MAST2: variants seen among roughly 807,000 people sequenced by gnomAD.
MAST2 encodes microtubule-associated serine/threonine-protein kinase 2.
MAST2 carries 70 observed loss-of-function variants against 147.4 expected under a neutral mutation model. The ratio of observed to expected loss-of-function variants is 0.47; its 90% CI spans 0.39 to 0.58. MAST2 has a LOEUF of 0.58. Ranked by LOEUF, MAST2 falls within the 20% of genes least tolerant of loss-of-function variation. The pLI is 0.00. For synonymous variants in MAST2, 869 were observed against 896.8 expected (o/e 0.97, Z 0.55); for missense variants, 2,080 against 2,302.3 (o/e 0.90, Z 1.98).
At chr1:45,826,545 G>T (rs908790690) in intron 2 of MAST2, among the ~76,000 whole-genome samples, 2 of 151,906 alleles carry the variant, frequency 1.3e-5, no homozygotes, top group African/African-American at 2.4e-5. Flanking sequence ...TAGAGAGGGG[G>T]TTTCGCCATG....
chr1:45,890,583 CT>C (rs1288591885), intron 4 of MAST2, among the ~76,000 whole-genome samples: 3 of 152,168 alleles, frequency 2.0e-5, no homozygotes, highest in Non-Finnish European at 4.4e-5. Flanking sequence ...AGAGCCACCC[CT>C]ATGACCTCAT....
intron 4 of MAST2, among the ~76,000 whole-genome samples, chr1:45,921,027 A>C (rs932941616): frequency 6.6e-6 from 1 of 152,070 alleles, no homozygotes; most frequent in Non-Finnish European, 1.5e-5. Flanking sequence ...ACGGAGTCTC[A>C]CTCTGTCACC....
At chr1:46,003,186 A>AAGCACACTTCCCCTACTCCTC (rs1553125024) in intron 7 of MAST2, among the ~76,000 whole-genome samples, 5 of 152,146 alleles carry the variant, frequency 3.3e-5, no homozygotes, top group Admixed American at 2.0e-4. Flanking sequence ...GGGGACTCCT[A>AAGCACACTTCCCCTACTCCTC]AGCACACTTC....
At chr1:45,937,604 T>G (rs182925426) in intron 4 of MAST2, among the ~76,000 whole-genome samples, 1 of 151,610 alleles carries the variant, frequency 6.6e-6, no homozygotes, top group Non-Finnish European at 1.5e-5. Flanking sequence ...ACAAAAAAAT[T>G]AGCCGGGTGT....
chr1:46,007,271 A>G lies in MAST2; in HGVS notation c.902+876A>G, dbSNP rs77663634. Among the ~76,000 whole-genome samples, 541 of 152,264 alleles carry G rather than the reference A, an allele frequency of 3.6e-3. 6 individuals carry two copies. The highest frequency in any genetic ancestry group is 0.033 in the East Asian group (172 of 5,174). On this transcript the variant is annotated intron_variant, in intron 8 of 28. Transcript: ENST00000361297. ...CTCCCAGAAAGAATCCCCTCAGGTA[A>G]TGCTGGCACTGCACCAGGAGTGACA...
At chr1:45,970,220 A>G (rs978244136) in intron 5 of MAST2, among the ~76,000 whole-genome samples, 2 of 152,182 alleles carry the variant, frequency 1.3e-5, no homozygotes, top group Non-Finnish European at 2.9e-5. Context: ...CTTTGGATAA[A>G]ACTTACAAAA....
At chr1:45,920,932 T>A (rs949634229) in intron 4 of MAST2, among the ~76,000 whole-genome samples, 5 of 152,210 alleles carry the variant, frequency 3.3e-5, no homozygotes, top group African/African-American at 1.2e-4. Context: ...AAGGAAGTTA[T>A]TAATAAGTAG....
chr1:46,017,136 A>C (rs1645985085), intron 10 of MAST2, among the ~76,000 whole-genome samples: 1 of 152,236 alleles, frequency 6.6e-6, no homozygotes, highest in African/African-American at 2.4e-5. Context: ...AGAAAGCTGA[A>C]ATTGGATCCC....
chr1:46,029,463 C>T lies in MAST2; in HGVS notation c.2219-3C>T. The T allele has an allele frequency of 6.2e-7, 1 of 1,612,586 alleles. No individual in the cohort carries two copies. Among genetic ancestry groups the T allele is most frequent in the Non-Finnish European group, 8.5e-7 (1 of 1,178,756 alleles). ...CTTTCCCTCTCACCCCTGATGACTT[C>T]AGATGAGATTGTGTGGCCTGAGGGT... On this transcript the variant is annotated splice_polypyrimidine_tract_variant and splice_region_variant and intron_variant, in intron 18 of 28. Coordinates refer to ENST00000361297, the MANE Select transcript of MAST2 (RefSeq NM_015112.3).
In MAST2 at chr1:46,031,208, TG is replaced by T; in HGVS notation, c.2913del (p.Pro972LeufsTer76). ...LTPPSGEGVSGPVTEHSGEQR... is the reference protein window; with the variant it reads ...LTPPSGEGVSXPVTEHSGEQR... ...CACCCCCATCTGGAGAGGGGGTATC[TG>T]GGCCTGTCACTGAACACTCAGGGGA... On this transcript the variant is annotated frameshift_variant, in exon 23 of 29. Transcript: ENST00000361297. LOFTEE classifies it high-confidence loss of function. The surrounding 1 kb of genome is among the most constrained non-coding windows in gnomAD (Gnocchi z 4.1). The T allele has an allele frequency of 1.3e-6, 2 of 1,560,290 alleles. No homozygotes were observed. Among genetic ancestry groups the T allele is most frequent in the Non-Finnish European group, 1.7e-6 (2 of 1,150,250 alleles).
intron 6 of MAST2, among the ~76,000 whole-genome samples, chr1:45,999,221 T>C (rs1457301524): frequency 6.6e-6 from 1 of 152,226 alleles, no homozygotes; most frequent in East Asian, 1.9e-4. Flanking sequence ...TTCAACCCAC[T>C]TACCTTATTC....
At chr1:45,994,292 T>TTTTTTTTTTTTTTTTTTTC (rs1342112329) in intron 5 of MAST2, among the ~76,000 whole-genome samples, 1 of 140,404 alleles carries the variant, frequency 7.1e-6, no homozygotes, top group Non-Finnish European at 1.5e-5. Flanking sequence ...TTTTTTTTTT[T>TTTTTTTTTTTTTTTTTTTC]TTTTTTTGAG....
intron 28 of MAST2, 107 bp downstream of exon 28, chr1:46,034,373 C>T (rs1303545914): frequency 7.2e-7 from 1 of 1,380,176 alleles, no homozygotes; most frequent in Non-Finnish European, 9.7e-7. Flanking sequence ...ATTTAGCCCA[C>T]CCCCTGAAAG....
At chr1:45,834,416 G>A (rs1433456544) in intron 3 of MAST2, among the ~76,000 whole-genome samples, 1 of 151,872 alleles carries the variant, frequency 6.6e-6, no homozygotes, top group Non-Finnish European at 1.5e-5. Flanking sequence ...GAGATTTTTG[G>A]ACTCTTCATT....
chr1:46,001,105 A>G, intron 6 of MAST2: 1 of 724,846 alleles, frequency 1.4e-6, no homozygotes, highest in Non-Finnish European at 2.1e-6. Context: ...GGGTATGAAC[A>G]TTGGGCCTTT....
At chr1:45,904,808 G>T (rs1234741091) in intron 4 of MAST2, among the ~76,000 whole-genome samples, 1 of 151,572 alleles carries the variant, frequency 6.6e-6, no homozygotes, top group Non-Finnish European at 1.5e-5. Flanking sequence ...GTATTTTATT[G>T]CAATGCCACT....
intron 4 of MAST2, among the ~76,000 whole-genome samples, chr1:45,938,641 T>TA (rs1656655434): frequency 6.6e-6 from 1 of 152,218 alleles, no homozygotes; most frequent in Non-Finnish European, 1.5e-5. Context: ...TTTACCTTTT[T>TA]AAAAAACACC....
At chr1:45,839,878 G>C (rs1645220164) in intron 3 of MAST2, among the ~76,000 whole-genome samples, 1 of 152,114 alleles carries the variant, frequency 6.6e-6, no homozygotes, top group Non-Finnish European at 1.5e-5. Context: ...AATTTAATGG[G>C]GGAAAAGGTA....
chr1:45,925,772 C>G (rs533049307), intron 4 of MAST2, among the ~76,000 whole-genome samples: 6 of 152,288 alleles, frequency 3.9e-5, no homozygotes, highest in African/African-American at 1.4e-4. Flanking sequence ...GGAATTTCTT[C>G]CATACAATGT....
Sources: allele counts gnomAD v4.1 joint callset (sites outside exome capture counted in the v4.1 genomes callset), GRCh38; gene constraint gnomAD v4.1.1; non-coding constraint Gnocchi (gnomAD v3.1); transcripts MANE v1.5; gene names NCBI Gene and HGNC (gene_info 2026-07-23, HGNC 2026-07-21).